Variants in CACNA1C observed in about 807,000 individuals in gnomAD.
The protein encoded by CACNA1C is voltage-dependent L-type calcium channel subunit alpha-1C.
Under a neutral mutation model 229.0 loss-of-function variants are expected in CACNA1C, and 30 were observed. The ratio of observed to expected loss-of-function variants is 0.13; its 90% CI spans 0.10 to 0.18. The LOEUF is 0.18. Ranked by LOEUF, CACNA1C falls within the 10% of genes least tolerant of loss-of-function variation. The probability of loss-of-function intolerance (pLI) is 1.00; values close to 1 mark genes in which losing one functional copy is unlikely to be tolerated. For synonymous variants in CACNA1C, 1,114 were observed against 1,132.5 expected (o/e 0.98, Z 0.33); for missense variants, 1,658 against 2,845.0 (o/e 0.58, Z 9.49).
At position 2,259,726 on chromosome 12, in the gene CACNA1C, T is replaced by G. The variant is rs537587524; in HGVS notation, c.477+139296T>G. Among the ~76,000 whole-genome samples the G allele has an allele frequency of 3.3e-5, 5 of 152,326 alleles. No individual in the cohort carries two copies. The South Asian group carries it at 1.0e-3, about 32-fold the overall frequency. On this transcript the variant is annotated intron_variant, in intron 3 of 46. Transcript: ENST00000399655. ...TTGTTTTTCATTTTATCAGTAAGAATGAGTGCATTACAGCCTGGGCAATGT... is the reference window on the plus strand; with the variant it reads ...TTGTTTTTCATTTTATCAGTAAGAAGGAGTGCATTACAGCCTGGGCAATGT...
intron 3 of CACNA1C, among the ~76,000 whole-genome samples, chr12:2,277,776 C>T (rs893197106): frequency 6.6e-6 from 1 of 152,218 alleles, no homozygotes; most frequent in African/African-American, 2.4e-5. Context: ...TCCCTCCCAC[C>T]ATAACCGCTC....
At chr12:2,193,082 G>A (rs994491238) in intron 3 of CACNA1C, among the ~76,000 whole-genome samples, 3 of 152,232 alleles carry the variant, frequency 2.0e-5, no homozygotes, top group East Asian at 1.9e-4. Flanking sequence ...TTCCACACCT[G>A]GAGTGAGGGG....
intron 7 of CACNA1C, among the ~76,000 whole-genome samples, chr12:2,500,056 G>T (rs1037804021): frequency 6.6e-6 from 1 of 152,172 alleles, no homozygotes; most frequent in African/African-American, 2.4e-5. Flanking sequence ...TGTGGCAGCC[G>T]AGCATTGCTC....
chr12:2,028,294 A>G (rs2047666104), intron 1 of CACNA1C, among the ~76,000 whole-genome samples: 1 of 152,112 alleles, frequency 6.6e-6, no homozygotes, highest in African/African-American at 2.4e-5. Context: ...AGCCAGAACA[A>G]CCCCATGCTT....
At position 2,320,832 on chromosome 12, in the gene CACNA1C, G is replaced by T. The variant is rs575704464; in HGVS notation, c.478-128144G>T. The stretch of plus-strand genomic sequence containing the variant: ...AAGGCAGCTAGGGGTAGGAGCAGGA[G>T]ACAAAAAGGATGAGGTTCCTGGGTG... On this transcript the variant is annotated intron_variant, in intron 3 of 46. Transcript: ENST00000399655. Among the ~76,000 whole-genome samples the T allele has an allele frequency of 4.6e-5, 7 of 152,312 alleles. No individual in the cohort carries two copies. The South Asian group carries it at 1.5e-3, about 32-fold the overall frequency.
chr12:2,565,657 A>G (rs1242460936), intron 11 of CACNA1C, among the ~76,000 whole-genome samples: 1 of 152,188 alleles, frequency 6.6e-6, no homozygotes, highest in African/African-American at 2.4e-5. Flanking sequence ...TCCATGGAGC[A>G]TGGATGAGCT....
At chr12:2,207,970 A>G (rs546901421) in intron 3 of CACNA1C, among the ~76,000 whole-genome samples, 16 of 152,334 alleles carry the variant, frequency 1.1e-4, no homozygotes, top group African/African-American at 2.6e-4. Context: ...GAGACAGAAC[A>G]AACAATAAGA....
chr12:2,541,685 C>T (rs982286676), intron 9 of CACNA1C, among the ~76,000 whole-genome samples: 7 of 152,186 alleles, frequency 4.6e-5, no homozygotes, highest in Non-Finnish European at 7.3e-5. Context: ...CCTTGGATAA[C>T]GAGCTACCAG....
chr12:2,256,598 G>A (rs948932659), intron 3 of CACNA1C, among the ~76,000 whole-genome samples: 1 of 152,154 alleles, frequency 6.6e-6, no homozygotes, highest in East Asian at 1.9e-4. Flanking sequence ...TAGAGATGAC[G>A]AGAAGATGGT....
At chr12:2,079,721 A>G (rs1205237800) in intron 1 of CACNA1C, among the ~76,000 whole-genome samples, 2 of 152,172 alleles carry the variant, frequency 1.3e-5, no homozygotes, top group African/African-American at 4.8e-5. Flanking sequence ...AACCCCACAA[A>G]ACTAGATCTA....
intron 5 of CACNA1C, among the ~76,000 whole-genome samples, chr12:2,474,768 A>G (rs1403057911): frequency 2.0e-5 from 3 of 151,458 alleles, no homozygotes; most frequent in African/African-American, 7.3e-5. Context: ...AAAAAAAAAA[A>G]AAAAGAAAGA....
intron 1 of CACNA1C, among the ~76,000 whole-genome samples, chr12:1,980,217 GT>G (rs756762341): frequency 1.2e-4 from 19 of 152,174 alleles, no homozygotes; most frequent in Non-Finnish European, 2.5e-4. Flanking sequence ...AATAATTCAA[GT>G]ATCTATCGAT....
intron 1 of CACNA1C, among the ~76,000 whole-genome samples, chr12:2,035,046 C>T (rs2048862040): frequency 6.6e-6 from 1 of 152,198 alleles, no homozygotes; most frequent in South Asian, 2.1e-4. Flanking sequence ...ACCGCGACAG[C>T]CCCGTCGTCC....
In CACNA1C at chr12:1,996,655, ACAAC is replaced by A. The variant is rs1311694506; in HGVS notation, c.139+25455_139+25458del. Among the ~76,000 whole-genome samples, 33 of 24,932 alleles carry A rather than the reference ACAAC, an allele frequency of 1.3e-3. 2 individuals carry two copies. Among genetic ancestry groups the A allele is most frequent in the African/African-American group, 7.4e-3 (23 of 3,124 alleles). The allele number at this position is 24,932 out of a possible 152,430, so 16.4% of individuals were successfully genotyped here. ...AAAAAAAAAAAAAAAAAAAAAAAAA[ACAAC>A]AAACTCTTCTAATGTTTTAAAGAAG... is the stretch of plus-strand genomic sequence containing the variant. On this transcript the variant is annotated intron_variant, in intron 1 of 46. Transcript: ENST00000682462.
chr12:2,643,521 G>A (rs2239126), intron 30 of CACNA1C, among the ~76,000 whole-genome samples: 13,065 of 152,100 alleles, frequency 0.086, 759 homozygotes, highest in African/African-American at 0.15. Context: ...TTTAACCTTC[G>A]CCTCTCTTAG....
chr12:2,612,757 G>A (rs2078446147), intron 29 of CACNA1C: 1 of 152,230 alleles, frequency 6.6e-6, no homozygotes, highest in African/African-American at 2.4e-5. Flanking sequence ...ACTGGTATGA[G>A]CCACACCTTC....
At chr12:2,583,900 A>G (rs2061481646) in intron 15 of CACNA1C, among the ~76,000 whole-genome samples, 1 of 152,184 alleles carries the variant, frequency 6.6e-6, no homozygotes, top group African/African-American at 2.4e-5. Flanking sequence ...TCACAGACTT[A>G]AAGCCCCCTT....
intron 3 of CACNA1C, among the ~76,000 whole-genome samples, chr12:2,389,158 A>G (rs2098443772): frequency 6.6e-6 from 1 of 152,052 alleles, no homozygotes; most frequent in Non-Finnish European, 1.5e-5. Flanking sequence ...GCTAAGGAAG[A>G]TGGTGTTGGG....
intron 3 of CACNA1C, among the ~76,000 whole-genome samples, chr12:2,184,343 C>G (rs2096933287): frequency 6.6e-6 from 1 of 152,186 alleles, no homozygotes; most frequent in African/African-American, 2.4e-5. Context: ...CTCTGACTTC[C>G]CGACCATACC....
Sources: allele counts gnomAD v4.1 joint callset (sites outside exome capture counted in the v4.1 genomes callset), GRCh38; gene constraint gnomAD v4.1.1; transcripts MANE v1.5; gene names NCBI Gene and HGNC (gene_info 2026-07-23, HGNC 2026-07-21).